HS3ST4: variants seen among roughly 807,000 people sequenced by gnomAD.
HS3ST4 encodes heparan sulfate-glucosamine 3-sulfotransferase 4.
In HS3ST4, 17 loss-of-function variants were observed where a neutral mutation model predicts 29.2. The observed-to-expected ratio is 0.58, with a 90% CI of 0.40 to 0.87. HS3ST4 has a LOEUF of 0.87. Among genes scored for constraint, HS3ST4 ranks in the 40% least tolerant of loss-of-function variants. HS3ST4 has a pLI of 0.00. For missense variants in HS3ST4, 627 were observed against 634.5 expected (o/e 0.99, Z 0.13); for synonymous variants, 314 against 285.7 (o/e 1.10, Z -1.00).
At chr16:26,052,300 ACTT>A (rs1407038751) in intron 1 of HS3ST4, among the ~76,000 whole-genome samples, 3 of 152,088 alleles carry the variant, frequency 2.0e-5, no homozygotes, top group Admixed American at 6.6e-5. Context: ...AAAATGGACA[ACTT>A]CTTCTGTATC....
chr16:26,061,502 G>C (rs1019839931), intron 1 of HS3ST4, among the ~76,000 whole-genome samples: 4 of 152,192 alleles, frequency 2.6e-5, no homozygotes, highest in African/African-American at 9.7e-5. Flanking sequence ...ATTATGATCA[G>C]GAGGTGGGTA....
chr16:25,764,173 A>G (rs1966804513), intron 1 of HS3ST4, among the ~76,000 whole-genome samples: 1 of 152,152 alleles, frequency 6.6e-6, no homozygotes, highest in African/African-American at 2.4e-5. Flanking sequence ...TCCTTGGGAC[A>G]TATTGGGACA....
At chr16:25,879,249 T>C (rs1967868064) in intron 1 of HS3ST4, among the ~76,000 whole-genome samples, 1 of 152,188 alleles carries the variant, frequency 6.6e-6, no homozygotes, top group Non-Finnish European at 1.5e-5. Context: ...TACTGAGCAA[T>C]TGCTTTGGGT....
At chr16:25,758,081 T>C (rs1343312713) in intron 1 of HS3ST4, among the ~76,000 whole-genome samples, 3 of 152,142 alleles carry the variant, frequency 2.0e-5, no homozygotes, top group Non-Finnish European at 2.9e-5. Context: ...CCTGCACCTA[T>C]GACGAGATAA....
chr16:25,803,610 G>A (rs1442907272), intron 1 of HS3ST4, among the ~76,000 whole-genome samples: 1 of 152,096 alleles, frequency 6.6e-6, no homozygotes, highest in Non-Finnish European at 1.5e-5. Flanking sequence ...AGTTTTTCAT[G>A]AGAAGTAAAT....
At chr16:25,888,781 CACA>C (rs1241049023) in intron 1 of HS3ST4, among the ~76,000 whole-genome samples, 8 of 152,110 alleles carry the variant, frequency 5.3e-5, no homozygotes, top group Admixed American at 1.3e-4. Context: ...AAGAGGTATT[CACA>C]ACAACAACAA....
At chr16:25,857,046 G>C (rs1967580048) in intron 1 of HS3ST4, among the ~76,000 whole-genome samples, 1 of 152,126 alleles carries the variant, frequency 6.6e-6, no homozygotes, top group African/African-American at 2.4e-5. Flanking sequence ...TTGAGTAGTT[G>C]GTGTCAGAAT....
chr16:25,869,314 G>A (rs560972775), intron 1 of HS3ST4, among the ~76,000 whole-genome samples: 16 of 152,138 alleles, frequency 1.1e-4, no homozygotes, highest in African/African-American at 3.9e-4. Flanking sequence ...CGCAAGCAAA[G>A]GACAGGTTGT....
chr16:25,744,655 C>G (rs533005828), intron 1 of HS3ST4, among the ~76,000 whole-genome samples: 1 of 152,198 alleles, frequency 6.6e-6, no homozygotes, highest in South Asian at 2.1e-4. Context: ...GGCTGTGTCC[C>G]CACCCAAATC....
intron 1 of HS3ST4, among the ~76,000 whole-genome samples, chr16:25,780,057 G>T (rs1287616526): frequency 6.6e-6 from 1 of 152,196 alleles, no homozygotes; most frequent in Non-Finnish European, 1.5e-5. Flanking sequence ...GTGAACAGTT[G>T]TTTCATGGAT....
chr16:25,886,602 G>C (rs572415118), intron 1 of HS3ST4: 1 of 152,334 alleles, frequency 6.6e-6, no homozygotes, highest in Admixed American at 6.5e-5. Context: ...ACATGAGCTT[G>C]GGTGGGGTGA....
At chr16:25,810,216 C>T (rs764975050) in intron 1 of HS3ST4, among the ~76,000 whole-genome samples, 14 of 151,998 alleles carry the variant, frequency 9.2e-5, no homozygotes, top group Non-Finnish European at 1.8e-4. Flanking sequence ...GTCTCGGACT[C>T]TTGAATTATT....
intron 1 of HS3ST4, among the ~76,000 whole-genome samples, chr16:25,736,500 C>G (rs1157402001): frequency 6.6e-6 from 1 of 152,224 alleles, no homozygotes; most frequent in African/African-American, 2.4e-5. Context: ...GTAAGATGCA[C>G]TCTTATTCAT....
chr16:26,047,024 A>T (rs1403849742), intron 1 of HS3ST4, among the ~76,000 whole-genome samples: 1 of 152,210 alleles, frequency 6.6e-6, no homozygotes, highest in African/African-American at 2.4e-5. Flanking sequence ...AAAGAGTAAA[A>T]AGCTATAGCT....
chr16:25,933,629 C>T (rs1968486934), intron 1 of HS3ST4, among the ~76,000 whole-genome samples: 1 of 152,186 alleles, frequency 6.6e-6, no homozygotes, highest in African/African-American at 2.4e-5. Flanking sequence ...AAAGGAATAT[C>T]TGAGACTGGT....
At chr16:25,784,879 A>G (rs1230965915) in intron 1 of HS3ST4, among the ~76,000 whole-genome samples, 1 of 152,260 alleles carries the variant, frequency 6.6e-6, no homozygotes, top group Non-Finnish European at 1.5e-5. Context: ...GATGCCATCT[A>G]GAACTTTCAG....
chr16:25,987,479 G>A (rs1011961049), intron 1 of HS3ST4, among the ~76,000 whole-genome samples: 3 of 152,188 alleles, frequency 2.0e-5, no homozygotes, highest in Non-Finnish European at 4.4e-5. Context: ...TGAGAAAATT[G>A]AATTCCAAAA....
intron 1 of HS3ST4, among the ~76,000 whole-genome samples, chr16:25,798,392 A>G (rs1207002064): frequency 6.6e-6 from 1 of 152,216 alleles, no homozygotes; most frequent in Non-Finnish European, 1.5e-5. Context: ...TTATCCTACA[A>G]AACTTATTTA....
chr16:25,777,126 G>A (rs1287538413), intron 1 of HS3ST4, among the ~76,000 whole-genome samples: 1 of 152,198 alleles, frequency 6.6e-6, no homozygotes, highest in African/African-American at 2.4e-5. Context: ...CCCCTGAAAT[G>A]TGGGTAGGGG....
Sources: allele counts gnomAD v4.1 joint callset (sites outside exome capture counted in the v4.1 genomes callset), GRCh38; gene constraint gnomAD v4.1.1; transcripts MANE v1.5; gene names NCBI Gene and HGNC (gene_info 2026-07-23, HGNC 2026-07-21).